CNTNAP4: variants seen among roughly 807,000 people sequenced by gnomAD.
The protein encoded by CNTNAP4 is contactin associated protein family member 4, also known as contactin-associated protein-like 4.
In CNTNAP4, 98 loss-of-function variants were observed where a neutral mutation model predicts 148.4. The ratio of observed to expected loss-of-function variants is 0.66; its 90% CI spans 0.56 to 0.78. The LOEUF (loss-of-function observed/expected upper bound fraction) is 0.78. Ranked by LOEUF, CNTNAP4 falls within the 30% of genes least tolerant of loss-of-function variation. CNTNAP4 has a pLI of 0.00. For synonymous variants in CNTNAP4, 730 were observed against 565.1 expected, an observed-to-expected ratio of 1.29 and a Z score of -4.14; for missense variants, 1,935 against 1,565.6, an observed-to-expected ratio of 1.24 and a Z score of -3.98.
At chr16:76,473,667 G>A (rs1034088243) in intron 10 of CNTNAP4, among the ~76,000 whole-genome samples, 4 of 152,126 alleles carry the variant, frequency 2.6e-5, no homozygotes, top group South Asian at 4.2e-4. Flanking sequence ...CCAGCTACTC[G>A]GGAGGCTGAG....
intron 3 of CNTNAP4, among the ~76,000 whole-genome samples, chr16:76,405,000 A>G (rs2078552109): frequency 6.6e-6 from 1 of 152,026 alleles, no homozygotes; most frequent in South Asian, 2.1e-4. Flanking sequence ...ATGCACAATT[A>G]TTTGTTGTAA....
intron 18 of CNTNAP4, among the ~76,000 whole-genome samples, chr16:76,537,242 G>T: frequency 6.6e-6 from 1 of 152,096 alleles, no homozygotes; most frequent in East Asian, 1.9e-4. Flanking sequence ...TAAAATGCGT[G>T]TTATAGATAA....
At chr16:76,430,508 A>G (rs1350619915) in intron 4 of CNTNAP4, among the ~76,000 whole-genome samples, 2 of 152,094 alleles carry the variant, frequency 1.3e-5, no homozygotes, top group Non-Finnish European at 2.9e-5. Flanking sequence ...GACACAAAAG[A>G]CTGTTCTCCC....
intron 2 of CNTNAP4, among the ~76,000 whole-genome samples, chr16:76,354,708 G>C (rs930632566): frequency 6.6e-6 from 1 of 152,190 alleles, no homozygotes; most frequent in Non-Finnish European, 1.5e-5. Flanking sequence ...CCCACCACTG[G>C]ATAGAGTTGT....
intron 3 of CNTNAP4, among the ~76,000 whole-genome samples, chr16:76,387,538 A>G (rs2016614712): frequency 6.6e-6 from 1 of 152,214 alleles, no homozygotes; most frequent in African/African-American, 2.4e-5. Flanking sequence ...ACTAAGTAAT[A>G]GCTTGGTATT....
chr16:76,379,900 A>G (rs1172079288), intron 3 of CNTNAP4, among the ~76,000 whole-genome samples: 1 of 152,184 alleles, frequency 6.6e-6, no homozygotes, highest in Non-Finnish European at 1.5e-5. Context: ...CAGATTTTCA[A>G]AGATATGCTT....
chr16:76,377,582 A>G (rs890753743), intron 3 of CNTNAP4, among the ~76,000 whole-genome samples: 3 of 152,176 alleles, frequency 2.0e-5, no homozygotes, highest in Non-Finnish European at 4.4e-5. Flanking sequence ...TTATGGGTCA[A>G]CCACAAGGCT....
chr16:76,393,652 T>G (rs1190318463), intron 3 of CNTNAP4, among the ~76,000 whole-genome samples: 7 of 147,342 alleles, frequency 4.8e-5, no homozygotes, highest in South Asian at 2.2e-4. Flanking sequence ...TCATGGGGGG[T>G]GGGTGAGAGG....
intron 1 of CNTNAP4, among the ~76,000 whole-genome samples, chr16:76,305,058 T>C (rs1245471003): frequency 6.6e-6 from 1 of 152,238 alleles, no homozygotes; most frequent in Admixed American, 6.5e-5. Context: ...GGTTTTTGTG[T>C]GAACATAAGT....
At chr16:76,293,948 G>T (rs891918811) in intron 1 of CNTNAP4, among the ~76,000 whole-genome samples, 2 of 151,722 alleles carry the variant, frequency 1.3e-5, no homozygotes, top group Non-Finnish European at 2.9e-5. Context: ...CATTTCCTAA[G>T]ACATCCATTC....
chr16:76,322,682 C>T (rs1282447384), intron 2 of CNTNAP4, among the ~76,000 whole-genome samples: 1 of 152,148 alleles, frequency 6.6e-6, no homozygotes, highest in Non-Finnish European at 1.5e-5. Context: ...GTGCTGTACA[C>T]ATTTTAACCA....
At chr16:76,364,255 A>C (rs978282141) in intron 3 of CNTNAP4, among the ~76,000 whole-genome samples, 1 of 151,096 alleles carries the variant, frequency 6.6e-6, no homozygotes, top group Non-Finnish European at 1.5e-5. Flanking sequence ...AAAAAAAAAA[A>C]AAAACAGAAA....
At chr16:76,392,264 G>A (rs1385482750) in intron 3 of CNTNAP4, among the ~76,000 whole-genome samples, 1 of 152,188 alleles carries the variant, frequency 6.6e-6, no homozygotes, top group Non-Finnish European at 1.5e-5. Flanking sequence ...AAACTGCTGG[G>A]ATTACAGGCA....
chr16:76,429,126 A>G (rs752801159), intron 4 of CNTNAP4, among the ~76,000 whole-genome samples: 1 of 152,190 alleles, frequency 6.6e-6, no homozygotes, highest in African/African-American at 2.4e-5. Flanking sequence ...CGTGGCTTCA[A>G]CAATCCAGCT....
At chr16:76,287,088 T>A (rs1958919899) in intron 1 of CNTNAP4, among the ~76,000 whole-genome samples, 1 of 152,164 alleles carries the variant, frequency 6.6e-6, no homozygotes, top group Non-Finnish European at 1.5e-5. Flanking sequence ...CACTACCTCT[T>A]AAGTATCAAA....
At chr16:76,398,030 C>G (rs1356995650) in intron 3 of CNTNAP4, among the ~76,000 whole-genome samples, 1 of 129,224 alleles carries the variant, frequency 7.7e-6, no homozygotes, top group African/African-American at 2.9e-5. Context: ...TTGACTCACA[C>G]AATCATAAGG....
chr16:76,338,233 A>G (rs1964181166), intron 2 of CNTNAP4, among the ~76,000 whole-genome samples: 1 of 152,176 alleles, frequency 6.6e-6, no homozygotes, highest in Non-Finnish European at 1.5e-5. Context: ...TTGGGAGCTG[A>G]TAGATGTCCG....
chr16:76,524,885 T>C (rs1184863346), intron 17 of CNTNAP4, among the ~76,000 whole-genome samples: 1 of 152,116 alleles, frequency 6.6e-6, no homozygotes, highest in Non-Finnish European at 1.5e-5. Context: ...AATCTGTTTA[T>C]GCATTTTCCT....
At chr16:76,434,171 A>G (rs1324235486) in intron 4 of CNTNAP4, among the ~76,000 whole-genome samples, 2 of 150,430 alleles carry the variant, frequency 1.3e-5, no homozygotes, top group African/African-American at 4.9e-5. Flanking sequence ...TCGAATATAT[A>G]TAAAGGGGAG....
Sources: allele counts gnomAD v4.1 joint callset (sites outside exome capture counted in the v4.1 genomes callset), GRCh38; gene constraint gnomAD v4.1.1; transcripts MANE v1.5; gene names NCBI Gene and HGNC (gene_info 2026-07-23, HGNC 2026-07-21).